Variants in TMEM244 observed in about 807,000 individuals in gnomAD.
TMEM244 encodes putative transmembrane protein 244.
TMEM244 carries 13 observed loss-of-function variants against 15.8 expected under a neutral mutation model. That is an observed-to-expected ratio of 0.82 (90% confidence interval 0.53 to 1.30). TMEM244 has a LOEUF of 1.30. TMEM244 is among the 50% of genes most tolerant of loss of function. The pLI is 0.00. For synonymous variants in TMEM244, 45 were observed against 48.7 expected, an observed-to-expected ratio of 0.92 and a Z score of 0.32; for missense variants, 161 against 144.9, an observed-to-expected ratio of 1.11 and a Z score of -0.57.
At chr6:129,837,834 C>A (rs971174729) in intron 3 of TMEM244, among the ~76,000 whole-genome samples, 43 of 152,188 alleles carry the variant, frequency 2.8e-4, no homozygotes, top group African/African-American at 1.0e-3. Context: ...AAGGCCACTA[C>A]ATAATGCTAA....
At chr6:129,832,544 G>T (rs1034177319) in intron 4 of TMEM244, among the ~76,000 whole-genome samples, 6 of 152,094 alleles carry the variant, frequency 3.9e-5, no homozygotes, top group African/African-American at 1.2e-4. Context: ...AAAAAATTAG[G>T]CGGTATAGTA....
rs1400140394 is a variant in TMEM244, at chr6:129,833,479, A to G, written c.300T>C (p.His100=). The G allele has an allele frequency of 1.2e-6, 2 of 1,612,492 alleles. No individual in the cohort carries two copies. The highest frequency in any genetic ancestry group is 1.7e-6 in the Non-Finnish European group (2 of 1,179,448). ...WDYAISVTIL[H]VAITSTVMLE... is the part of the protein sequence containing the mutation. ...GCTTACCAGTTGAAGTGATGGCAAC[A>G]TGAAGAATAGTGACTGAAATAGCAT... Residue 100 remains histidine (H), a synonymous_variant, in exon 4 of 5, where the codon CAT becomes CAC. Transcript: ENST00000368143.
chr6:129,851,960 T>TA (rs1284265022), intron 1 of TMEM244, among the ~76,000 whole-genome samples: 1 of 152,328 alleles, frequency 6.6e-6, no homozygotes, highest in African/African-American at 2.4e-5. Flanking sequence ...TTAATAATGT[T>TA]AAAAAATTAT....
intron 3 of TMEM244, among the ~76,000 whole-genome samples, chr6:129,840,030 A>T (rs1339470749): frequency 1.3e-5 from 2 of 152,210 alleles, no homozygotes; most frequent in Non-Finnish European, 2.9e-5. Flanking sequence ...ATTCAATGCC[A>T]TCCCCATCAA....
At chr6:129,834,522 CCTTATGTCCT>C (rs1401610411) in intron 3 of TMEM244, among the ~76,000 whole-genome samples, 2 of 152,056 alleles carry the variant, frequency 1.3e-5, no homozygotes, top group African/African-American at 4.8e-5. Flanking sequence ...AAAATAATCA[CCTTATGTCCT>C]ACTGTGCAGA....
At chr6:129,840,738 G>A (rs4458710) in intron 3 of TMEM244, among the ~76,000 whole-genome samples, 114,569 of 151,932 alleles carry the variant, frequency 0.75, 44,171 homozygotes, top group Non-Finnish European at 0.81. Context: ...TAAGAAAAAA[G>A]CAACCCCATC....
chr6:129,852,255 G>A (rs772566901), intron 1 of TMEM244, among the ~76,000 whole-genome samples: 3 of 151,800 alleles, frequency 2.0e-5, no homozygotes, highest in Non-Finnish European at 4.4e-5. Flanking sequence ...TTATTCAACC[G>A]GTGAGCATCT....
chr6:129,835,161 C>T lies in TMEM244; in HGVS notation c.194-1576G>A, dbSNP rs558021255. ...CTGTAATTCCAGCACTTTGGGAGGCCGAGGTGGGAGCATCACTTGAAGCTA... is the reference window on the plus strand; with the variant it reads ...CTGTAATTCCAGCACTTTGGGAGGCTGAGGTGGGAGCATCACTTGAAGCTA... On this transcript the variant is annotated intron_variant, in intron 3 of 4. Transcript: ENST00000368143. 6.6e-5 allele frequency among the ~76,000 whole-genome samples: 10 copies of T among 152,074 alleles called. No individual in the cohort carries two copies. In the East Asian group the frequency reaches 9.7e-4, roughly 15 times the overall value.
chr6:129,856,443 G>T (rs1035255623), intron 1 of TMEM244, among the ~76,000 whole-genome samples: 1 of 152,082 alleles, frequency 6.6e-6, no homozygotes. Flanking sequence ...GATAGAGCTT[G>T]CATTAAGTAT....
intron 3 of TMEM244, among the ~76,000 whole-genome samples, chr6:129,836,785 G>A (rs951600647): frequency 6.6e-6 from 1 of 152,158 alleles, no homozygotes; most frequent in African/African-American, 2.4e-5. Flanking sequence ...GCATGCATAA[G>A]CTTTAATAGG....
intron 1 of TMEM244, among the ~76,000 whole-genome samples, chr6:129,852,038 A>G (rs1776643032): frequency 6.6e-6 from 1 of 152,164 alleles, no homozygotes; most frequent in Admixed American, 6.5e-5. Context: ...AAAGATGCAT[A>G]AGGACATATT....
At chr6:129,845,205 G>A (rs1013149668) in intron 2 of TMEM244, among the ~76,000 whole-genome samples, 5 of 152,164 alleles carry the variant, frequency 3.3e-5, no homozygotes, top group African/African-American at 1.2e-4. Context: ...GATTCAGAAA[G>A]TTAGTAAGAA....
Position 129,843,453 on chromosome 6 carries a change from T to A in TMEM244, c.193+77A>T, listed in dbSNP as rs1243029144. ...TGCGAGACAGGCCTGATATTTAAAATTTTTTTATTAAAAAATTTATGGGGT... is the reference window on the plus strand; with the variant it reads ...TGCGAGACAGGCCTGATATTTAAAAATTTTTTATTAAAAAATTTATGGGGT... On this transcript the variant is annotated intron_variant, in intron 3 of 4. Coordinates refer to ENST00000368143, the MANE Select transcript of TMEM244 (RefSeq NM_001010876.2). The A allele has an allele frequency of 2.9e-6, 3 of 1,026,372 alleles. No homozygotes were observed. The African/African-American group carries it at 5.0e-5, about 17-fold the overall frequency. The allele number at this position is 1,026,372 out of a possible 1,614,324, so 63.6% of individuals were successfully genotyped here.
intron 1 of TMEM244, among the ~76,000 whole-genome samples, chr6:129,855,844 T>C (rs1315842591): frequency 6.6e-6 from 1 of 152,158 alleles, no homozygotes; most frequent in Non-Finnish European, 1.5e-5. Flanking sequence ...CTGTTCATCG[T>C]TTGTAATTAA....
intron 3 of TMEM244, among the ~76,000 whole-genome samples, chr6:129,839,327 C>A (rs886774347): frequency 6.6e-6 from 1 of 152,150 alleles, no homozygotes; most frequent in Admixed American, 6.5e-5. Flanking sequence ...ATGACAAAAA[C>A]CACATGATTG....
At chr6:129,851,425 T>C (rs900850147) in intron 1 of TMEM244, among the ~76,000 whole-genome samples, 56 of 152,248 alleles carry the variant, frequency 3.7e-4, no homozygotes, top group African/African-American at 1.3e-3. Context: ...TCTGCCACCA[T>C]GCCCAGCAAA....
At chr6:129,858,407 A>T (rs1361723416) in intron 1 of TMEM244, among the ~76,000 whole-genome samples, 1 of 152,186 alleles carries the variant, frequency 6.6e-6, no homozygotes, top group Non-Finnish European at 1.5e-5. Context: ...GTGATTTTGC[A>T]AAGCAGAATG....
At chr6:129,856,672 A>T (rs941881340) in intron 1 of TMEM244, among the ~76,000 whole-genome samples, 1 of 152,138 alleles carries the variant, frequency 6.6e-6, no homozygotes, top group African/African-American at 2.4e-5. Context: ...TGCTTTAAAA[A>T]TATCTAGTAA....
chr6:129,855,976 G>A (rs1776700003), intron 1 of TMEM244, among the ~76,000 whole-genome samples: 1 of 152,008 alleles, frequency 6.6e-6, no homozygotes, highest in Non-Finnish European at 1.5e-5. Flanking sequence ...TAAACTGATG[G>A]TTTTATTATT....
Sources: gnomAD v4.1 joint callset for allele counts (sites outside exome capture counted in the v4.1 genomes callset) on GRCh38, gnomAD v4.1.1 for gene constraint, MANE v1.5 for transcripts, NCBI Gene and HGNC (gene_info 2026-07-23, HGNC 2026-07-21) for gene names.